Variants in SLC25A21 observed in about 807,000 individuals in gnomAD.
The protein encoded by SLC25A21 is mitochondrial 2-oxodicarboxylate carrier.
In SLC25A21, 47 loss-of-function variants were observed where a neutral mutation model predicts 43.8. That is an observed-to-expected ratio of 1.07 (90% CI 0.85 to 1.37). The LOEUF (loss-of-function observed/expected upper bound fraction) is 1.37. SLC25A21 is among the 40% of genes most tolerant of loss of function. SLC25A21 has a pLI of 0.00. For missense variants in SLC25A21, 352 were observed against 350.2 expected (o/e 1.00, Z -0.04); for synonymous variants, 131 against 121.3 (o/e 1.08, Z -0.52).
chr14:36,965,523 C>T (rs1959593430), intron 1 of SLC25A21, among the ~76,000 whole-genome samples: 1 of 152,096 alleles, frequency 6.6e-6, no homozygotes, highest in South Asian at 2.1e-4. Context: ...TTCTAACATT[C>T]CAATGCTTGA....
intron 1 of SLC25A21, among the ~76,000 whole-genome samples, chr14:36,996,427 G>A (rs920077252): frequency 1.3e-5 from 2 of 152,070 alleles, no homozygotes; most frequent in Non-Finnish European, 2.9e-5. Flanking sequence ...AGGTTTCAAA[G>A]CCTAGATTCT....
intron 2 of SLC25A21, among the ~76,000 whole-genome samples, chr14:36,823,964 T>G (rs1004559281): frequency 6.6e-6 from 1 of 152,174 alleles, no homozygotes; most frequent in African/African-American, 2.4e-5. Context: ...ACAGGGAATT[T>G]GAATGTAGTT....
chr14:37,010,872 G>A (rs1338949375), intron 1 of SLC25A21, among the ~76,000 whole-genome samples: 9 of 152,054 alleles, frequency 5.9e-5, no homozygotes, highest in Non-Finnish European at 1.2e-4. Flanking sequence ...AGCCTCCCAA[G>A]TAGCTGGGAC....
chr14:36,924,755 A>G (rs1213403884), intron 1 of SLC25A21, among the ~76,000 whole-genome samples: 2 of 152,208 alleles, frequency 1.3e-5, no homozygotes. Flanking sequence ...TAGTATTTAC[A>G]CTAACTATTT....
intron 3 of SLC25A21, among the ~76,000 whole-genome samples, chr14:36,784,803 C>T (rs17105306): frequency 0.013 from 2,014 of 152,308 alleles, 45 homozygotes; most frequent in African/African-American, 0.045. Context: ...TGCTATCTTA[C>T]TCCATGAGTC....
chr14:36,811,192 G>A (rs1888250549), intron 3 of SLC25A21, among the ~76,000 whole-genome samples: 1 of 152,102 alleles, frequency 6.6e-6, no homozygotes, highest in African/African-American at 2.4e-5. Flanking sequence ...TCCATACCAT[G>A]AGGTATATTT....
chr14:36,855,412 C>T (rs17105533), intron 2 of SLC25A21, among the ~76,000 whole-genome samples: 3,478 of 152,060 alleles, frequency 0.023, 62 homozygotes, highest in East Asian at 0.059. Flanking sequence ...TATTGGGTAG[C>T]GAAGAGGATA....
chr14:36,969,779 G>A (rs1165482567), intron 1 of SLC25A21, among the ~76,000 whole-genome samples: 4 of 151,912 alleles, frequency 2.6e-5, no homozygotes, highest in Middle Eastern at 3.2e-3. Context: ...GGCATGAGCC[G>A]CTGCACCCAG....
chr14:37,130,087 C>CAA (rs111382394), intron 1 of SLC25A21, among the ~76,000 whole-genome samples: 5,700 of 120,922 alleles, frequency 0.047, 281 homozygotes, highest in Admixed American at 0.12. Context: ...CCTGTCTCTA[C>CAA]AAAAAAAAAA....
chr14:37,157,598 G>C (rs979652574), intron 1 of SLC25A21, among the ~76,000 whole-genome samples: 2 of 152,132 alleles, frequency 1.3e-5, no homozygotes, highest in African/African-American at 4.8e-5. Context: ...GCAATGCTAA[G>C]AGGGAAGCTT....
intron 1 of SLC25A21, among the ~76,000 whole-genome samples, chr14:37,065,917 A>C (rs1161351567): frequency 1.3e-5 from 2 of 152,244 alleles, no homozygotes; most frequent in Non-Finnish European, 2.9e-5. Flanking sequence ...TTTGAAACGA[A>C]TGGTTTTTAC....
rs527555119 is a variant in SLC25A21 at position 36,992,180 on chromosome 14, C to A, written c.71-117176G>T. Among the ~76,000 whole-genome samples the A allele has an allele frequency of 2.6e-4, 40 of 152,296 alleles. 1 individual carries two copies. The highest frequency in any genetic ancestry group is 9.1e-4 in the African/African-American group (38 of 41,568). ...GAATCTATCTGTGGGTGGACCCGTGCACCCTCCAAATGGATAAAACTCCCA... is the reference window on the plus strand; with the variant it reads ...GAATCTATCTGTGGGTGGACCCGTGAACCCTCCAAATGGATAAAACTCCCA... On this transcript the variant is annotated intron_variant, in intron 1 of 9. Coordinates refer to ENST00000331299, the MANE Select transcript of SLC25A21 (RefSeq NM_030631.4).
chr14:37,024,707 G>A (rs1566823621), intron 1 of SLC25A21, among the ~76,000 whole-genome samples: 1 of 151,660 alleles, frequency 6.6e-6, no homozygotes, highest in East Asian at 1.9e-4. Flanking sequence ...TTCCTTTTCT[G>A]GCTCACTTGT....
chr14:37,097,018 GTTTTTTTTTT>G (rs1489512303), intron 1 of SLC25A21: 15 of 145,238 alleles, frequency 1.0e-4, no homozygotes, highest in East Asian at 7.9e-4. Context: ...CAAAGGGCTG[GTTTTTTTTTT>G]GTTTTTTTTT....
intron 2 of SLC25A21, among the ~76,000 whole-genome samples, chr14:36,839,268 G>T (rs1889305752): frequency 6.6e-6 from 1 of 152,160 alleles, no homozygotes; most frequent in Admixed American, 6.5e-5. Context: ...AATTTCAGAA[G>T]CAAGTAACAT....
chr14:37,092,586 C>T (rs1962609796), intron 1 of SLC25A21, among the ~76,000 whole-genome samples: 1 of 152,056 alleles, frequency 6.6e-6, no homozygotes, highest in Non-Finnish European at 1.5e-5. Flanking sequence ...TCTGTCTGGG[C>T]TAATGACACA....
In SLC25A21 at chr14:36,679,378, C is replaced by CTT; in HGVS notation, c.*1278_*1279dup. 1.0e-6 allele frequency: 1 copy of CTT among 978,116 alleles called. No individual in the cohort carries two copies. Among genetic ancestry groups the CTT allele is most frequent in the Non-Finnish European group, 1.2e-6 (1 of 823,496 alleles). The allele number at this position is 978,116 out of a possible 1,614,324, so 60.6% of individuals were successfully genotyped here. ...GTAATAATTACCATGTTATCTTTTA[C>CTT]TTTTTATTTTCAAAATGCTTTAGTG... On this transcript the variant is annotated 3_prime_UTR_variant, in exon 10 of 10. Coordinates refer to ENST00000331299, the MANE Select transcript of SLC25A21 (RefSeq NM_030631.4).
At chr14:37,087,033 T>C (rs573259110) in intron 1 of SLC25A21, among the ~76,000 whole-genome samples, 1 of 152,326 alleles carries the variant, frequency 6.6e-6, no homozygotes, top group South Asian at 2.1e-4. Flanking sequence ...CTTATACTGT[T>C]GTAACCTAGG....
At chr14:37,165,141 C>T (rs1964010049) in intron 1 of SLC25A21, among the ~76,000 whole-genome samples, 1 of 152,200 alleles carries the variant, frequency 6.6e-6, no homozygotes, top group Non-Finnish European at 1.5e-5. Context: ...CTTTGGGAGG[C>T]TGTGGCGGGC....
Sources: allele counts gnomAD v4.1 joint callset (sites outside exome capture counted in the v4.1 genomes callset), GRCh38; gene constraint gnomAD v4.1.1; transcripts MANE v1.5; gene names NCBI Gene and HGNC (gene_info 2026-07-23, HGNC 2026-07-21).